SMAD3: variants seen among roughly 807,000 people sequenced by gnomAD.
SMAD3 encodes SMAD family member 3.
A neutral mutation model predicts 51.8 loss-of-function variants in SMAD3; 12 were observed. The observed-to-expected ratio is 0.23, with a 90% CI of 0.15 to 0.38. The LOEUF is 0.38. Ranked by LOEUF, SMAD3 falls within the 10% of genes least tolerant of loss-of-function variation. SMAD3 has a pLI of 1.00. For synonymous variants in SMAD3, 238 were observed against 227.7 expected, an observed-to-expected ratio of 1.05 and a Z score of -0.41; for missense variants, 294 against 565.6, an observed-to-expected ratio of 0.52 and a Z score of 4.87.
intron 1 of SMAD3, among the ~76,000 whole-genome samples, chr15:67,123,061 G>A (rs2140244954): frequency 6.6e-6 from 1 of 152,018 alleles, no homozygotes; most frequent in East Asian, 1.9e-4. Context: ...AGCTGGGCAT[G>A]GTGGTGTGAG....
chr15:67,166,019 A>G, intron 3 of SMAD3: 1 of 211,628 alleles, frequency 4.7e-6, no homozygotes, highest in Non-Finnish European at 8.4e-6. Flanking sequence ...TTGCTGGGGC[A>G]GTAATCCTGC....
intron 1 of SMAD3, among the ~76,000 whole-genome samples, chr15:67,098,250 G>A (rs1960657351): frequency 6.8e-6 from 1 of 147,412 alleles, no homozygotes; most frequent in Admixed American, 6.8e-5. Flanking sequence ...TCATCTGTGA[G>A]ATGAGAGGAT....
At chr15:67,135,318 G>A (rs1315833832) in intron 1 of SMAD3, among the ~76,000 whole-genome samples, 2 of 152,174 alleles carry the variant, frequency 1.3e-5, no homozygotes, top group Non-Finnish European at 2.9e-5. Flanking sequence ...GGCAGCCCCC[G>A]GGCCCAGCCT....
At position 67,190,359 on chromosome 15, in the gene SMAD3, C is replaced by G. The variant is rs28774694; in HGVS notation, c.1155-54C>G. 11 of 1,550,892 alleles carry G rather than the reference C, an allele frequency of 7.1e-6. No homozygotes were observed. In the Admixed American group the frequency reaches 1.5e-4, roughly 21 times the overall value. On this transcript the variant is annotated intron_variant, in intron 8 of 8. Transcript: ENST00000327367. Reference sequence around the variant, plus strand: ...AGAAAAAGCTTTCTGACTTGTGTAACCCCCTGGAGATTTTTTAAGTCCCCC... The same window carrying G: ...AGAAAAAGCTTTCTGACTTGTGTAAGCCCCTGGAGATTTTTTAAGTCCCCC...
At chr15:67,097,478 C>A (rs1960639717) in intron 1 of SMAD3, among the ~76,000 whole-genome samples, 1 of 152,084 alleles carries the variant, frequency 6.6e-6, no homozygotes, top group South Asian at 2.1e-4. Flanking sequence ...CTTGTGAGCT[C>A]AGGCTATCTG....
chr15:67,081,872 C>G (rs1206367947), intron 1 of SMAD3, among the ~76,000 whole-genome samples: 1 of 152,076 alleles, frequency 6.6e-6, no homozygotes, highest in Non-Finnish European at 1.5e-5. Context: ...AGGGCCCAGG[C>G]TATTCCTTTG....
At chr15:67,185,532 CAG>C (rs1421044094) in intron 7 of SMAD3, among the ~76,000 whole-genome samples, 1 of 152,058 alleles carries the variant, frequency 6.6e-6, no homozygotes, top group Non-Finnish European at 1.5e-5. Flanking sequence ...ATGAGACCGT[CAG>C]GGGAAATGTT....
In SMAD3 at chr15:67,194,008, CAGG is replaced by C. The variant is rs1375986852; in HGVS notation, c.*3475_*3477del. 8 of 233,192 alleles carry C rather than the reference CAGG, an allele frequency of 3.4e-5. No individual in the cohort carries two copies. The highest frequency in any genetic ancestry group is 2.3e-4 in the Admixed American group (4 of 17,776). The allele number at this position is 233,192 out of a possible 1,614,324, so 14.4% of individuals were successfully genotyped here. On this transcript the variant is annotated 3_prime_UTR_variant, in exon 9 of 9. Coordinates refer to ENST00000327367, the MANE Select transcript of SMAD3 (RefSeq NM_005902.4). The stretch of plus-strand genomic sequence containing the variant: ...AGGTTACACCACTCCTTCGTCCTTA[CAGG>C]AGATGTAGGGAGAAGAATCTGCAGG...
intron 1 of SMAD3, among the ~76,000 whole-genome samples, chr15:67,074,639 A>G (rs934463144): frequency 1.3e-5 from 2 of 152,194 alleles, no homozygotes; most frequent in Admixed American, 1.3e-4. Context: ...CCGGTAGTTT[A>G]GGACTCCAGT....
Position 67,165,220 on chromosome 15 carries a change from CTG to C in SMAD3, c.401-32_401-31del, listed in dbSNP as rs767444339. 1.9e-6 allele frequency: 3 copies of C among 1,614,188 alleles called. No homozygotes were observed. The East Asian group carries it at 6.7e-5, about 36-fold the overall frequency. ...CTTTGGTGCTGGTCTGGCATCGACA[CTG>C]AGCCACCTCTGCTCTGTCTCCCCCG... On this transcript the variant is annotated intron_variant, in intron 2 of 8. Coordinates refer to ENST00000327367, the MANE Select transcript of SMAD3 (RefSeq NM_005902.4).
chr15:67,080,585 A>G (rs1023227086), intron 1 of SMAD3, among the ~76,000 whole-genome samples: 6 of 152,204 alleles, frequency 3.9e-5, no homozygotes, highest in Non-Finnish European at 7.3e-5. Context: ...CCTGCTCTCC[A>G]CTTTACTTTA....
At chr15:67,071,566 C>G (rs1311035720) in intron 1 of SMAD3, among the ~76,000 whole-genome samples, 3 of 152,158 alleles carry the variant, frequency 2.0e-5, no homozygotes, top group Admixed American at 6.5e-5. Flanking sequence ...ATCCCAAGCA[C>G]TTTGGGAGGC....
At chr15:67,104,045 C>T (rs890346247) in intron 1 of SMAD3, among the ~76,000 whole-genome samples, 2 of 152,216 alleles carry the variant, frequency 1.3e-5, no homozygotes, top group East Asian at 3.9e-4. Context: ...ACAACGGGCC[C>T]TATTTTTAAA....
intron 1 of SMAD3, among the ~76,000 whole-genome samples, chr15:67,076,289 C>G (rs538050616): frequency 6.6e-6 from 1 of 152,086 alleles, no homozygotes; most frequent in Admixed American, 6.5e-5. Context: ...TTTGTTTGGT[C>G]GACTAAAAAT....
intron 1 of SMAD3, among the ~76,000 whole-genome samples, chr15:67,134,995 G>C (rs1349169318): frequency 6.6e-6 from 1 of 152,192 alleles, no homozygotes; most frequent in East Asian, 1.9e-4. Flanking sequence ...GTCCTGCTGG[G>C]GAGATGTACC....
chr15:67,103,147 C>T (rs1960799024), intron 1 of SMAD3, among the ~76,000 whole-genome samples: 1 of 152,102 alleles, frequency 6.6e-6, no homozygotes, highest in Non-Finnish European at 1.5e-5. Flanking sequence ...TGTCAACTTC[C>T]TTTGTATGGA....
chr15:67,109,957 C>T (rs1960975872), intron 1 of SMAD3, among the ~76,000 whole-genome samples: 1 of 152,210 alleles, frequency 6.6e-6, no homozygotes, highest in Non-Finnish European at 1.5e-5. Flanking sequence ...CGGGGGAAAC[C>T]AACTCAGTGC....
chr15:67,190,265 G>C (rs1963325794), intron 8 of SMAD3, 148 bp from the exon 9 acceptor site: 1 of 719,980 alleles, frequency 1.4e-6, no homozygotes, highest in African/African-American at 1.8e-5. Context: ...GGTAGTTTCA[G>C]CAAGTTACTG....
rs115497763 is a variant in SMAD3, at chr15:67,078,306, C to A, written c.206+11946C>A. On this transcript the variant is annotated intron_variant, in intron 1 of 8. Coordinates refer to ENST00000327367, the MANE Select transcript of SMAD3 (RefSeq NM_005902.4). ...CACAGGCCCCCAAATTAGATCTCGG[C>A]CTCTGCTGGGTCTTCCCTGTGCCTG... is the stretch of plus-strand genomic sequence containing the variant. Among the ~76,000 whole-genome samples the A allele has an allele frequency of 3.0e-3, 461 of 152,288 alleles. 3 individuals carry two copies. The highest frequency in any genetic ancestry group is 0.011 in the African/African-American group (448 of 41,566).
Sources: gnomAD v4.1 joint callset for allele counts (sites outside exome capture counted in the v4.1 genomes callset) on GRCh38, gnomAD v4.1.1 for gene constraint, MANE v1.5 for transcripts, NCBI Gene and HGNC (gene_info 2026-07-23, HGNC 2026-07-21) for gene names.